Variants in ATAD2B observed in about 807,000 individuals in gnomAD.
ATAD2B encodes the protein ATPase family AAA domain containing 2B, also known as ATPase family AAA domain-containing protein 2B.
In ATAD2B, 40 loss-of-function variants were observed where a neutral mutation model predicts 167.6. The observed-to-expected ratio is 0.24, with a 90% CI of 0.19 to 0.31. The LOEUF is 0.31. Ranked by LOEUF, ATAD2B falls within the 10% of genes least tolerant of loss-of-function variation. The pLI is 1.00. For synonymous variants in ATAD2B, 579 were observed against 596.5 expected (o/e 0.97, Z 0.43); for missense variants, 1,242 against 1,757.2 (o/e 0.71, Z 5.24).
chr2:23,823,034 T>G (rs983486590), intron 16 of ATAD2B, among the ~76,000 whole-genome samples: 4 of 151,592 alleles, frequency 2.6e-5, no homozygotes, highest in Non-Finnish European at 4.4e-5. Flanking sequence ...AGCCCTACAT[T>G]AAGATGATCA....
At chr2:23,855,810 G>A (rs957564408) in intron 13 of ATAD2B, among the ~76,000 whole-genome samples, 2 of 151,978 alleles carry the variant, frequency 1.3e-5, no homozygotes, top group Non-Finnish European at 1.5e-5. Flanking sequence ...GATCACTTGG[G>A]CCTAGAAGTT....
intron 10 of ATAD2B, among the ~76,000 whole-genome samples, chr2:23,865,467 T>C (rs1047284423): frequency 6.6e-6 from 1 of 150,870 alleles, no homozygotes; most frequent in Non-Finnish European, 1.5e-5. Context: ...AGGCGGAGGT[T>C]GCAGTGAGCT....
intron 22 of ATAD2B, among the ~76,000 whole-genome samples, chr2:23,777,031 C>T (rs1679251170): frequency 6.6e-6 from 1 of 151,912 alleles, no homozygotes; most frequent in South Asian, 2.1e-4. Flanking sequence ...GGTTCTAATC[C>T]AATCTGACTG....
At position 23,785,008 on chromosome 2, in the gene ATAD2B, G is replaced by GA. The variant is rs556885151; in HGVS notation, c.2973+1018dup. 7.4e-4 allele frequency among the ~76,000 whole-genome samples: 113 copies of GA among 152,006 alleles called. 1 individual carries two copies. The highest frequency in any genetic ancestry group is 2.5e-3 in the African/African-American group (104 of 41,488). On this transcript the variant is annotated intron_variant, in intron 21 of 27. Transcript: ENST00000238789. ...ACAAGGTTGATAAGAGGATCAAATGGAAAAAACAGTGTATTGTGGATAAAG... is the reference window on the plus strand; with the variant it reads ...ACAAGGTTGATAAGAGGATCAAATGGAAAAAAACAGTGTATTGTGGATAAAG...
chr2:23,907,015 C>T (rs1489246939), intron 1 of ATAD2B, among the ~76,000 whole-genome samples: 2,355 of 140,532 alleles, frequency 0.017, 19 homozygotes, highest in African/African-American at 0.032. Context: ...AATATCATAC[C>T]GAATGGGCAA....
At chr2:23,738,446 A>C in the ATAD2B span, among the ~76,000 whole-genome samples, 1 of 152,222 alleles carries the variant, frequency 6.6e-6, no homozygotes, top group Non-Finnish European at 1.5e-5. Context: ...ATCCAGCCAA[A>C]CTAAGCTTCA....
intron 13 of ATAD2B, among the ~76,000 whole-genome samples, chr2:23,841,098 ATT>A (rs572061183): frequency 1.7e-5 from 2 of 117,164 alleles, no homozygotes; most frequent in Admixed American, 9.2e-5. Context: ...ATGCATGGCT[ATT>A]TTTTTTTTTT....
At position 23,757,823 on chromosome 2, in the gene ATAD2B, C is replaced by T; in HGVS notation, c.3673G>A (p.Ala1225Thr). The change falls in exon 25 of 28, where the codon GCA becomes ACA. Residue 1225 changes from alanine to threonine, a missense_variant. Ala to Thr is a moderately conservative substitution (Grantham distance 58, BLOSUM62 0). This residue lies in a region of ATAD2B where 282 missense variants were observed against 346.8 expected (regional missense o/e 0.81). Coordinates refer to ENST00000238789, the MANE Select transcript of ATAD2B (RefSeq NM_017552.4). ...GATGCAAAGTTCTCTTTTGTGCCTG[C>T]TCCATTGTTAAGCCTCTGCCCCTGG... ...LDQGQRLNNG[A>T]GTKENFASTE... The T allele has an allele frequency of 6.4e-7, 1 of 1,572,070 alleles. No individual in the cohort carries two copies. Among genetic ancestry groups the T allele is most frequent in the Non-Finnish European group, 8.6e-7 (1 of 1,164,710 alleles).
chr2:23,706,938 T>A, the ATAD2B span: 1 of 336,340 alleles, frequency 3.0e-6, no homozygotes, highest in Non-Finnish European at 5.4e-6. Flanking sequence ...CCAGGTGCAA[T>A]AGAGTTTCAC....
intron 1 of ATAD2B, among the ~76,000 whole-genome samples, chr2:23,916,758 T>C (rs1703096243): frequency 6.6e-6 from 1 of 152,140 alleles, no homozygotes; most frequent in Non-Finnish European, 1.5e-5. Context: ...TTAAACAAAA[T>C]TAACTTTAGG....
intron 6 of ATAD2B, among the ~76,000 whole-genome samples, chr2:23,881,343 G>C (rs1303577049): frequency 6.9e-6 from 1 of 144,480 alleles, no homozygotes; most frequent in Non-Finnish European, 1.5e-5. Flanking sequence ...TTTATTTCTT[G>C]ACATGAGTGA....
chr2:23,870,120 T>C lies in ATAD2B; in HGVS notation c.978-359A>G, dbSNP rs1410198093. Among the ~76,000 whole-genome samples, 10 of 148,946 alleles carry C rather than the reference T, an allele frequency of 6.7e-5. No individual in the cohort carries two copies. The East Asian group carries it at 7.8e-4, about 12-fold the overall frequency. On this transcript the variant is annotated intron_variant, in intron 8 of 27. Transcript: ENST00000238789. ...TACTCGGGAGGCTGAGGAAGAAGAA[T>C]TGCTTGAACCCGGGAGGCGGAGGTT...
intron 13 of ATAD2B, among the ~76,000 whole-genome samples, chr2:23,839,568 C>T (rs1029030339): frequency 1.4e-4 from 22 of 151,932 alleles, no homozygotes; most frequent in African/African-American, 5.3e-4. Flanking sequence ...TTAAATAAAC[C>T]TTGTATATTT....
At chr2:23,705,446 C>T in the ATAD2B span, among the ~76,000 whole-genome samples, 1 of 151,612 alleles carries the variant, frequency 6.6e-6, no homozygotes, top group South Asian at 2.1e-4. Context: ...GAGCTGAGAT[C>T]ACACCACTGC....
intron 22 of ATAD2B, among the ~76,000 whole-genome samples, chr2:23,769,331 C>T (rs968021796): frequency 6.6e-6 from 1 of 152,086 alleles, no homozygotes; most frequent in Non-Finnish European, 1.5e-5. Context: ...ATCCCAGCTA[C>T]TCAGGAGGCT....
At position 23,833,928 on chromosome 2, in the gene ATAD2B, A is replaced by G. The variant is rs749028969; in HGVS notation, c.1719T>C (p.Pro573=). Reference sequence around the variant, plus strand: ...AAACAAAAACTCTTACCTTTTGATCAGGCAGGTTGAAGAGGAATTCTCTGT... The same window carrying G: ...AAACAAAAACTCTTACCTTTTGATCGGGCAGGTTGAAGAGGAATTCTCTGT... ...RFDREFLFNL[P]DQKARKHILQ... The change falls in exon 14 of 28, where the codon CCT becomes CCC. Residue 573 remains proline (P), a synonymous_variant. Transcript: ENST00000238789. The G allele has an allele frequency of 5.0e-6, 8 of 1,600,954 alleles. No individual in the cohort carries two copies. The South Asian group carries it at 9.1e-5, about 18-fold the overall frequency.
At chr2:23,918,410 C>A (rs988154416) in intron 1 of ATAD2B, among the ~76,000 whole-genome samples, 2 of 151,320 alleles carry the variant, frequency 1.3e-5, no homozygotes, top group Admixed American at 6.6e-5. Flanking sequence ...TACTATGTAC[C>A]CACAAAAAAA....
At chr2:23,796,240 C>T (rs1018885816) in intron 19 of ATAD2B, among the ~76,000 whole-genome samples, 4 of 151,916 alleles carry the variant, frequency 2.6e-5, no homozygotes, top group Admixed American at 6.6e-5. Context: ...AAGACAAAAG[C>T]GAGAGGGAAA....
chr2:23,764,817 T>C (rs976703581), intron 23 of ATAD2B, among the ~76,000 whole-genome samples: 7 of 142,250 alleles, frequency 4.9e-5, no homozygotes, highest in East Asian at 2.0e-4. Context: ...CCTTTACATA[T>C]GCTATTGTTT....
Sources: gnomAD v4.1 joint callset for allele counts (sites outside exome capture counted in the v4.1 genomes callset) on GRCh38, gnomAD v4.1.1 for gene constraint, gnomAD v4.1.1 regional missense constraint, MANE v1.5 for transcripts, NCBI Gene and HGNC (gene_info 2026-07-23, HGNC 2026-07-21) for gene names.